SLC43A2: variants seen among roughly 807,000 people sequenced by gnomAD.
The protein encoded by SLC43A2 is solute carrier family 43 member 2, also known as large neutral amino acids transporter small subunit 4.
A neutral mutation model predicts 63.2 loss-of-function variants in SLC43A2; 38 were observed. The ratio of observed to expected loss-of-function variants is 0.60; its 90% CI spans 0.46 to 0.79. SLC43A2 has a LOEUF of 0.79. SLC43A2 is among the 30% of genes least tolerant of loss of function. The pLI is 0.00. For missense variants in SLC43A2, 644 were observed against 756.2 expected, an observed-to-expected ratio of 0.85 and a Z score of 1.74; for synonymous variants, 322 against 331.0, an observed-to-expected ratio of 0.97 and a Z score of 0.30.
At position 1,573,934 on chromosome 17, in the gene SLC43A2, A is replaced by C. The variant is rs964569978; in HGVS notation, c.*1670T>G. On this transcript the variant is annotated 3_prime_UTR_variant, in exon 14 of 14. Coordinates refer to ENST00000301335, the MANE Select transcript of SLC43A2 (RefSeq NM_152346.3). Reference sequence around the variant, plus strand: ...CGCCCAGTCTTTTTTTAAATATTTGAGTGAAATAAAGCCTAGGAGATATGT... The same window carrying C: ...CGCCCAGTCTTTTTTTAAATATTTGCGTGAAATAAAGCCTAGGAGATATGT... 2 of 152,128 alleles carry C rather than the reference A, an allele frequency of 1.3e-5. No homozygotes were observed. The highest frequency in any genetic ancestry group is 2.9e-5 in the Non-Finnish European group (2 of 68,032). The allele number at this position is 152,128 out of a possible 1,614,324, so 9.4% of individuals were successfully genotyped here.
chr17:1,626,942 C>T (rs760151395), intron 2 of SLC43A2, among the ~76,000 whole-genome samples: 4 of 152,196 alleles, frequency 2.6e-5, no homozygotes, highest in Non-Finnish European at 5.9e-5. Flanking sequence ...CATCAGGACC[C>T]TCCAACAGGG....
chr17:1,627,652 AT>A, intron 2 of SLC43A2, 62 bp downstream of exon 2: 3 of 227,122 alleles, frequency 1.3e-5, no homozygotes, highest in Non-Finnish European at 1.7e-5. Context: ...CTTCGCCCCC[AT>A]CCCGCCCCCT....
chr17:1,585,897 G>T lies in SLC43A2; in HGVS notation c.1217+16C>A, dbSNP rs760427937. ...GCTGCGGGCTGGGAGCCGGGGCACC[G>T]GCCCTGCCTACGCACTGGTTGGCGT... On this transcript the variant is annotated intron_variant, in intron 10 of 13. Coordinates refer to ENST00000301335, the MANE Select transcript of SLC43A2 (RefSeq NM_152346.3). 1 of 1,613,494 alleles carries T rather than the reference G, an allele frequency of 6.2e-7. No individual in the cohort carries two copies. The highest frequency in any genetic ancestry group is 8.5e-7 in the Non-Finnish European group (1 of 1,179,956).
chr17:1,593,258 G>A lies in SLC43A2; in HGVS notation c.523C>T (p.Leu175Phe). ...SLTLPNMFGDLRSTFIALMIG... is the reference protein window; with the variant it reads ...SLTLPNMFGDFRSTFIALMIG... ...ATCAAGGCAATAAACGTGGACCGAAGGTCGCCGAACATGTTGGGCAGCTGA... is the reference window on the plus strand; with the variant it reads ...ATCAAGGCAATAAACGTGGACCGAAAGTCGCCGAACATGTTGGGCAGCTGA... Residue 175 changes from leucine to phenylalanine, a missense_variant, in exon 6 of 14, where the codon CTT becomes TTT. Leu to Phe is a conservative substitution (Grantham distance 22, BLOSUM62 0). Coordinates refer to ENST00000301335, the MANE Select transcript of SLC43A2 (RefSeq NM_152346.3). The surrounding 1 kb of genome is among the most constrained non-coding windows in gnomAD (Gnocchi z 5.3). 6.2e-7 allele frequency: 1 copy of A among 1,613,980 alleles called. No individual in the cohort carries two copies. Among genetic ancestry groups the A allele is most frequent in the Non-Finnish European group, 8.5e-7 (1 of 1,179,978 alleles).
intron 2 of SLC43A2, among the ~76,000 whole-genome samples, chr17:1,621,363 T>G (rs1197406707): frequency 6.6e-6 from 1 of 152,128 alleles, no homozygotes; most frequent in Non-Finnish European, 1.5e-5. Context: ...ACTAGTCGCT[T>G]TCCGAGCCCC....
rs12953268 is a variant in SLC43A2, at chr17:1,591,273, G to A, written c.927C>T (p.Ala309=). The change falls in exon 8 of 14, where the codon GCC becomes GCT. Residue 309 remains alanine (A), a synonymous_variant. Coordinates refer to ENST00000301335, the MANE Select transcript of SLC43A2 (RefSeq NM_152346.3). ...GCTGCGGTCTCAGGCGGGTACCTGC[G>A]GCATCCGGCTGGCACTTCACCTCCA... ...VDLEVKCQPD[A]AVAPSFMHSV... The A allele has an allele frequency of 0.5, 803,820 of 1,602,934 alleles. 213,437 individuals are homozygous for A. The highest frequency in any genetic ancestry group is 0.56 in the Non-Finnish European group (656,418 of 1,179,664).
chr17:1,579,149 A>AC (rs2075976061), intron 11 of SLC43A2, among the ~76,000 whole-genome samples: 1 of 138,572 alleles, frequency 7.2e-6, no homozygotes, highest in Non-Finnish European at 1.6e-5. Flanking sequence ...AAAAAAAAAA[A>AC]ATAATAATAA....
intron 5 of SLC43A2, among the ~76,000 whole-genome samples, chr17:1,601,404 C>T (rs1007789189): frequency 2.0e-5 from 3 of 152,050 alleles, no homozygotes; most frequent in African/African-American, 7.3e-5. Context: ...AGGCCTGCTA[C>T]ACCACCGAAC....
intron 2 of SLC43A2, among the ~76,000 whole-genome samples, chr17:1,625,347 C>A (rs1196980581): frequency 6.6e-6 from 1 of 152,186 alleles, no homozygotes. Flanking sequence ...TTCTAAGAAC[C>A]TTTCAACAGG....
chr17:1,627,952 C>T, intron 1 of SLC43A2, 32 bp from the exon 2 acceptor site: 1 of 1,345,090 alleles, frequency 7.4e-7, no homozygotes, highest in Non-Finnish European at 9.5e-7. Flanking sequence ...AGCGGCCGGC[C>T]CTTGCCCAGC....
rs189406669 is a variant in SLC43A2, at chr17:1,596,048, C to T, written c.502-2769G>A. Among the ~76,000 whole-genome samples the T allele has an allele frequency of 3.5e-4, 53 of 152,112 alleles. No homozygotes were observed. The East Asian group carries it at 7.4e-3, about 21-fold the overall frequency. On this transcript the variant is annotated intron_variant, in intron 5 of 13. Transcript: ENST00000301335. ...AAGAAAGTGAAAAGAGAGCCGGGCGCGGTGGCTCACACCTGTCATCCCCGC... is the reference window on the plus strand; with the variant it reads ...AAGAAAGTGAAAAGAGAGCCGGGCGTGGTGGCTCACACCTGTCATCCCCGC...
At chr17:1,627,662 C>G in intron 2 of SLC43A2, 53 bp downstream of exon 2, 1 of 918,012 alleles carries the variant, frequency 1.1e-6, no homozygotes, top group Non-Finnish European at 1.5e-6. Context: ...ATCCCGCCCC[C>G]TCCCAAAGCC....
At chr17:1,615,103 G>A in intron 3 of SLC43A2, 69 bp from the exon 4 acceptor site, 1 of 1,559,844 alleles carries the variant, frequency 6.4e-7, no homozygotes. Flanking sequence ...TTTTGTTTTT[G>A]TTTTTGGTTT....
rs367717073 is a variant in SLC43A2, at chr17:1,590,774, A to G, written c.1078+28T>C. The G allele has an allele frequency of 1.2e-5, 18 of 1,549,894 alleles. No individual in the cohort carries two copies. In the Admixed American group the frequency reaches 1.8e-4, roughly 15 times the overall value. ...GGCTGGGCTCAGGCCGGGGAGTGAC[A>G]GCGACCGAGGCTGCCCGGGGCACCT... On this transcript the variant is annotated intron_variant, in intron 9 of 13. Transcript: ENST00000301335.
At chr17:1,618,749 C>T (rs958726588) in intron 2 of SLC43A2, among the ~76,000 whole-genome samples, 2 of 152,236 alleles carry the variant, frequency 1.3e-5, no homozygotes, top group African/African-American at 4.8e-5. Flanking sequence ...CTTTGGGAGG[C>T]AGAGGCGGGT....
chr17:1,595,078 C>T lies in SLC43A2; in HGVS notation c.502-1799G>A, dbSNP rs139022736. ...GGCAGATCACCTGAGGTCAGGAATT[C>T]GAGATCAGCCTGGCAAACATGGCGA... On this transcript the variant is annotated intron_variant, in intron 5 of 13. Coordinates refer to ENST00000301335, the MANE Select transcript of SLC43A2 (RefSeq NM_152346.3). 1.8e-3 allele frequency among the ~76,000 whole-genome samples: 277 copies of T among 151,804 alleles called. 2 individuals are homozygous for T. Among genetic ancestry groups the T allele is most frequent in the African/African-American group, 5.8e-3 (238 of 41,356 alleles).
chr17:1,601,848 C>T (rs1236834700), intron 5 of SLC43A2, among the ~76,000 whole-genome samples: 3 of 145,486 alleles, frequency 2.1e-5, no homozygotes, highest in South Asian at 2.2e-4. Context: ...AGCCAGAGTC[C>T]TTCTGCACCG....
rs1201637905 is a variant in SLC43A2 at position 1,606,274 on chromosome 17, G to A, written c.501+6921C>T. On this transcript the variant is annotated intron_variant, in intron 5 of 13. Coordinates refer to ENST00000301335, the MANE Select transcript of SLC43A2 (RefSeq NM_152346.3). This position sits in a 1 kb window ranked among gnomAD's most constrained non-coding sequence, Gnocchi z 4.7. ...ACTAAACTCCTGTCCCCTCTCTGGG[G>A]GCATCTGCCATCCTGCCCTCCTCTC... Among the ~76,000 whole-genome samples, 2 of 152,126 alleles carry A rather than the reference G, an allele frequency of 1.3e-5. No individual in the cohort carries two copies. The highest frequency in any genetic ancestry group is 2.4e-5 in the African/African-American group (1 of 41,430).
chr17:1,629,612 C>T (rs2151088384), upstream of SLC43A2, among the ~76,000 whole-genome samples: 1 of 152,368 alleles, frequency 6.6e-6, no homozygotes, highest in South Asian at 2.1e-4. Context: ...GACCTTTCTC[C>T]GCCCGTGTTC....
Sources: allele counts gnomAD v4.1 joint callset (sites outside exome capture counted in the v4.1 genomes callset), GRCh38; gene constraint gnomAD v4.1.1; non-coding constraint Gnocchi (gnomAD v3.1); transcripts MANE v1.5; gene names NCBI Gene and HGNC (gene_info 2026-07-23, HGNC 2026-07-21).